The following BRINP3 variants were observed in gnomAD, a reference collection of about 807,000 sequenced individuals.
BRINP3 encodes the protein BMP/retinoic acid inducible neural specific 3.
BRINP3 carries 19 observed loss-of-function variants against 71.0 expected under a neutral mutation model. The observed-to-expected ratio is 0.27, with a 90% CI of 0.19 to 0.39. The LOEUF is 0.39. BRINP3 is among the 10% of genes least tolerant of loss of function. The probability of loss-of-function intolerance (pLI) is 1.00; values close to 1 mark genes in which losing one functional copy is unlikely to be tolerated. For synonymous variants in BRINP3, 380 were observed against 337.7 expected, an observed-to-expected ratio of 1.13 and a Z score of -1.37; for missense variants, 959 against 940.8, an observed-to-expected ratio of 1.02 and a Z score of -0.25.
chr1:190,256,159 C>T (rs1393687533), intron 4 of BRINP3, among the ~76,000 whole-genome samples: 1 of 152,038 alleles, frequency 6.6e-6, no homozygotes, highest in Non-Finnish European at 1.5e-5. Flanking sequence ...CTGTTCTTTT[C>T]CATTTGCTGA....
chr1:190,372,194 G>C (rs1468271546), intron 2 of BRINP3, among the ~76,000 whole-genome samples: 1 of 152,150 alleles, frequency 6.6e-6, no homozygotes, highest in Non-Finnish European at 1.5e-5. Context: ...GGCTGGAAGG[G>C]ACCTCAGACG....
At chr1:190,392,671 T>A (rs980001889) in intron 2 of BRINP3, among the ~76,000 whole-genome samples, 4 of 151,728 alleles carry the variant, frequency 2.6e-5, no homozygotes, top group Non-Finnish European at 5.9e-5. Context: ...TCACATTTTT[T>A]ATATTTTGTC....
chr1:190,248,197 C>T (rs964487249), intron 4 of BRINP3, among the ~76,000 whole-genome samples: 5 of 151,576 alleles, frequency 3.3e-5, no homozygotes, highest in African/African-American at 7.3e-5. Context: ...TTCGTGCAAA[C>T]GTAATTGCGG....
At chr1:190,347,196 A>G (rs1440634293) in intron 2 of BRINP3, among the ~76,000 whole-genome samples, 1 of 152,100 alleles carries the variant, frequency 6.6e-6, no homozygotes, top group Non-Finnish European at 1.5e-5. Context: ...GCTGGAGTGT[A>G]GTGGTGCAAT....
chr1:190,306,650 A>G (rs1665120565), intron 2 of BRINP3, among the ~76,000 whole-genome samples: 1 of 151,848 alleles, frequency 6.6e-6, no homozygotes, highest in African/African-American at 2.4e-5. Flanking sequence ...TCTGTAGTCT[A>G]GCTGGATGGA....
chr1:190,477,234 T>C (rs765381015), intron 1 of BRINP3, among the ~76,000 whole-genome samples: 1 of 152,052 alleles, frequency 6.6e-6, no homozygotes, highest in Non-Finnish European at 1.5e-5. Flanking sequence ...TAAAAGATAT[T>C]GGGGTAATAC....
chr1:190,168,920 T>C (rs930517021), intron 6 of BRINP3, among the ~76,000 whole-genome samples: 1 of 152,198 alleles, frequency 6.6e-6, no homozygotes, highest in Non-Finnish European at 1.5e-5. Flanking sequence ...ACAGAGAATA[T>C]CAGGCACAAT....
intron 2 of BRINP3, among the ~76,000 whole-genome samples, chr1:190,370,632 T>C (rs1418430331): frequency 1.3e-5 from 2 of 152,202 alleles, no homozygotes; most frequent in African/African-American, 4.8e-5. Flanking sequence ...TTAGAGGATA[T>C]TTGGCGGCAG....
At chr1:190,192,713 GA>G (rs74368069) in intron 6 of BRINP3, among the ~76,000 whole-genome samples, 3 of 151,494 alleles carry the variant, frequency 2.0e-5, no homozygotes, top group Admixed American at 2.0e-4. Flanking sequence ...CTAGATGCAA[GA>G]AAAAAATATT....
intron 2 of BRINP3, among the ~76,000 whole-genome samples, chr1:190,362,611 T>G (rs893024424): frequency 1.3e-5 from 2 of 152,170 alleles, no homozygotes; most frequent in Non-Finnish European, 2.9e-5. Context: ...GTACCTCCCA[T>G]AATTCCAACA....
chr1:190,351,914 A>T (rs1182658157), intron 2 of BRINP3, among the ~76,000 whole-genome samples: 4 of 152,088 alleles, frequency 2.6e-5, no homozygotes, highest in African/African-American at 9.6e-5. Flanking sequence ...AAAGTTCTCT[A>T]GGAAGAGTTA....
chr1:190,146,087 A>T (rs1222095497), intron 7 of BRINP3, among the ~76,000 whole-genome samples: 1 of 152,148 alleles, frequency 6.6e-6, no homozygotes, highest in Non-Finnish European at 1.5e-5. Context: ...ATCAAAGACC[A>T]CACATTGGGT....
At chr1:190,195,209 T>A (rs1479428634) in intron 6 of BRINP3, among the ~76,000 whole-genome samples, 2 of 151,946 alleles carry the variant, frequency 1.3e-5, no homozygotes, top group African/African-American at 4.8e-5. Flanking sequence ...TTATGTATAG[T>A]TTTGGTTACA....
intron 7 of BRINP3, among the ~76,000 whole-genome samples, chr1:190,150,769 A>G (rs898960006): frequency 2.0e-5 from 3 of 152,164 alleles, no homozygotes; most frequent in East Asian, 3.9e-4. Context: ...TGCATGCACG[A>G]TTATATTTTT....
intron 2 of BRINP3, among the ~76,000 whole-genome samples, chr1:190,444,030 C>T (rs1483628935): frequency 6.6e-6 from 1 of 151,914 alleles, no homozygotes; most frequent in Non-Finnish European, 1.5e-5. Flanking sequence ...GTTGGGAGTT[C>T]GAGACCAGCC....
chr1:190,412,896 AAAAG>A (rs1672785400), intron 2 of BRINP3, among the ~76,000 whole-genome samples: 1 of 152,168 alleles, frequency 6.6e-6, no homozygotes, highest in Non-Finnish European at 1.5e-5. Flanking sequence ...GTAATTTACA[AAAAG>A]AAAGAAGAAA....
chr1:190,448,463 T>G (rs67805914), intron 2 of BRINP3, among the ~76,000 whole-genome samples: 2,735 of 125,142 alleles, frequency 0.022, 83 homozygotes, highest in African/African-American at 0.069. Context: ...CACTTGGGGT[T>G]TGTGTGTGTG....
In BRINP3 at chr1:190,423,785, C is replaced by A. The variant is rs12041527; in HGVS notation, c.236+30870G>T. Among the ~76,000 whole-genome samples the A allele has an allele frequency of 2.6e-5, 4 of 151,828 alleles. No individual in the cohort carries two copies. In the East Asian group the frequency reaches 5.8e-4, roughly 22 times the overall value. The stretch of plus-strand genomic sequence containing the variant: ...TCATACATATACACACAACTCCTGG[C>A]ACTGGTGCTAGATGTAAGGATTTTA... On this transcript the variant is annotated intron_variant, in intron 2 of 7. Coordinates refer to ENST00000367462, the MANE Select transcript of BRINP3 (RefSeq NM_199051.3).
At chr1:190,296,225 T>A (rs1664244423) in intron 2 of BRINP3, among the ~76,000 whole-genome samples, 1 of 126,188 alleles carries the variant, frequency 7.9e-6, no homozygotes, top group African/African-American at 2.5e-5. Context: ...CCCACAAACA[T>A]TAAAAATTAA....
Sources: gnomAD v4.1 joint callset for allele counts (sites outside exome capture counted in the v4.1 genomes callset) on GRCh38, gnomAD v4.1.1 for gene constraint, MANE v1.5 for transcripts, NCBI Gene and HGNC (gene_info 2026-07-23, HGNC 2026-07-21) for gene names.